The following RIT2 variants were observed in gnomAD, a reference collection of about 807,000 sequenced individuals.
RIT2 encodes GTP-binding protein Rit2.
A neutral mutation model predicts 23.7 loss-of-function variants in RIT2; 24 were observed. The observed-to-expected ratio is 1.01, with a 90% CI of 0.73 to 1.43. The LOEUF (loss-of-function observed/expected upper bound fraction) is 1.43. Among genes scored for constraint, RIT2 ranks in the 40% most tolerant of loss-of-function variants. The pLI is 0.00. For missense variants in RIT2, 236 were observed against 266.9 expected, an observed-to-expected ratio of 0.88 and a Z score of 0.81; for synonymous variants, 107 against 91.1, an observed-to-expected ratio of 1.17 and a Z score of -0.99.
chr18:42,992,007 T>C (rs1240150925), intron 2 of RIT2, among the ~76,000 whole-genome samples: 1 of 151,992 alleles, frequency 6.6e-6, no homozygotes, highest in Non-Finnish European at 1.5e-5. Context: ...ACCTCTTATG[T>C]CTGTGCCCCA....
At chr18:42,804,371 T>C (rs1598660771) in intron 4 of RIT2, among the ~76,000 whole-genome samples, 3 of 151,804 alleles carry the variant, frequency 2.0e-5, no homozygotes, top group South Asian at 4.2e-4. Context: ...CTGACCAACA[T>C]GGTGAAACCC....
chr18:42,963,038 T>C (rs905416055), intron 3 of RIT2, among the ~76,000 whole-genome samples: 3 of 152,270 alleles, frequency 2.0e-5, no homozygotes, highest in Admixed American at 1.3e-4. Flanking sequence ...TACCTATCCA[T>C]GTTGCAAGGA....
chr18:42,803,188 T>A (rs1905590016), intron 4 of RIT2, among the ~76,000 whole-genome samples: 1 of 152,242 alleles, frequency 6.6e-6, no homozygotes, highest in Admixed American at 6.5e-5. Flanking sequence ...TTCCAATGAC[T>A]TCATCATTCC....
At position 42,743,355 on chromosome 18, in the gene RIT2, C is replaced by T; in HGVS notation, c.*138G>A. On this transcript the variant is annotated 3_prime_UTR_variant, in exon 5 of 5. Transcript: ENST00000326695. ...AACTATCTCAAGAGGTACAGATATG[C>T]AGAGCTTGCTTTTACCTACAGGCAG... 3.0e-6 allele frequency: 2 copies of T among 662,330 alleles called. No individual in the cohort carries two copies. Among genetic ancestry groups the T allele is most frequent in the South Asian group, 3.8e-5 (2 of 53,184 alleles). The allele number at this position is 662,330 out of a possible 1,614,324, so 41.0% of individuals were successfully genotyped here. A position where few individuals can be genotyped will look rare whatever the true frequency, so the allele number is the denominator to read the frequency against.
chr18:43,102,947 C>T (rs1232047461), intron 1 of RIT2, among the ~76,000 whole-genome samples: 1 of 152,140 alleles, frequency 6.6e-6, no homozygotes, highest in Non-Finnish European at 1.5e-5. Flanking sequence ...AGCCACTGCG[C>T]CCGGCCCTTA....
intron 4 of RIT2, among the ~76,000 whole-genome samples, chr18:42,855,920 G>T (rs182770357): frequency 1.3e-5 from 2 of 151,962 alleles, no homozygotes; most frequent in Middle Eastern, 6.8e-3. Flanking sequence ...TTTTTAAGAG[G>T]CACTATGTCT....
At chr18:43,067,176 T>A (rs1011804711) in intron 1 of RIT2, among the ~76,000 whole-genome samples, 1 of 152,004 alleles carries the variant, frequency 6.6e-6, no homozygotes, top group Non-Finnish European at 1.5e-5. Flanking sequence ...AAGGTAAAAC[T>A]AGTTAGTAGG....
At chr18:43,071,433 A>G (rs1479574771) in intron 1 of RIT2, among the ~76,000 whole-genome samples, 1 of 152,184 alleles carries the variant, frequency 6.6e-6, no homozygotes, top group African/African-American at 2.4e-5. Context: ...CTTTATTTCT[A>G]GCTAACAATT....
chr18:43,084,357 C>T (rs1045841819), intron 1 of RIT2, among the ~76,000 whole-genome samples: 6 of 152,116 alleles, frequency 3.9e-5, no homozygotes, highest in African/African-American at 1.4e-4. Flanking sequence ...ACCAGAAATA[C>T]CATTTGACCC....
chr18:42,744,255 C>T (rs1353420687), intron 4 of RIT2, among the ~76,000 whole-genome samples: 1 of 152,190 alleles, frequency 6.6e-6, no homozygotes, highest in Admixed American at 6.5e-5. Flanking sequence ...AGCTTTATTG[C>T]TCACACAAAG....
intron 4 of RIT2, among the ~76,000 whole-genome samples, chr18:42,861,691 C>G (rs1033249603): frequency 2.0e-5 from 3 of 152,094 alleles, no homozygotes; most frequent in Non-Finnish European, 4.4e-5. Context: ...TTGGGGTCAC[C>G]CATTTTGTTA....
At chr18:42,860,262 T>C (rs1907291592) in intron 4 of RIT2, among the ~76,000 whole-genome samples, 1 of 152,180 alleles carries the variant, frequency 6.6e-6, no homozygotes. Context: ...CTACAGTTTT[T>C]AACAGATACC....
At chr18:42,792,554 C>A (rs1914067448) in intron 4 of RIT2, among the ~76,000 whole-genome samples, 1 of 152,060 alleles carries the variant, frequency 6.6e-6, no homozygotes, top group Non-Finnish European at 1.5e-5. Flanking sequence ...TATATCAGAG[C>A]ATTTTCATAT....
chr18:42,920,441 T>C (rs12970796), intron 4 of RIT2, among the ~76,000 whole-genome samples: 69,983 of 152,126 alleles, frequency 0.46, 20,972 homozygotes, highest in Non-Finnish European at 0.68. Flanking sequence ...AATAAAATCT[T>C]GTGTGTAACG....
At chr18:42,774,537 G>C (rs1474957819) in intron 4 of RIT2, among the ~76,000 whole-genome samples, 1 of 151,020 alleles carries the variant, frequency 6.6e-6, no homozygotes, top group Non-Finnish European at 1.5e-5. Context: ...TCCCCAGACA[G>C]TATTTATGTG....
At chr18:42,916,191 A>C (rs1252624678) in intron 4 of RIT2, among the ~76,000 whole-genome samples, 1 of 152,110 alleles carries the variant, frequency 6.6e-6, no homozygotes, top group African/African-American at 2.4e-5. Flanking sequence ...GATAATTAGT[A>C]TTTCTAATGA....
chr18:42,762,895 T>C (rs940033975), intron 4 of RIT2, among the ~76,000 whole-genome samples: 13 of 152,152 alleles, frequency 8.5e-5, no homozygotes, highest in African/African-American at 2.9e-4. Flanking sequence ...GCAAGATGAG[T>C]TTCATAATAC....
chr18:43,072,221 G>T (rs1912915653), intron 1 of RIT2, among the ~76,000 whole-genome samples: 1 of 151,914 alleles, frequency 6.6e-6, no homozygotes, highest in South Asian at 2.1e-4. Context: ...CCTGACCTCA[G>T]GTGATTCACC....
chr18:43,092,085 C>T (rs1913435877), intron 1 of RIT2, among the ~76,000 whole-genome samples: 1 of 152,064 alleles, frequency 6.6e-6, no homozygotes, highest in Admixed American at 6.6e-5. Flanking sequence ...CATGCAAACA[C>T]ATTATGAAAA....
Sources: gnomAD v4.1 joint callset for allele counts (sites outside exome capture counted in the v4.1 genomes callset) on GRCh38, gnomAD v4.1.1 for gene constraint, MANE v1.5 for transcripts, NCBI Gene and HGNC (gene_info 2026-07-23, HGNC 2026-07-21) for gene names.